The following SLBP variants were observed in gnomAD, a reference collection of about 807,000 sequenced individuals.
SLBP encodes the protein histone RNA hairpin-binding protein.
SLBP carries 29 observed loss-of-function variants against 39.2 expected under a neutral mutation model. The ratio of observed to expected loss-of-function variants is 0.74; its 90% confidence interval spans 0.55 to 1.01. The LOEUF (loss-of-function observed/expected upper bound fraction) is 1.01. Ranked by LOEUF, SLBP falls within the 50% of genes least tolerant of loss-of-function variation. The pLI is 0.00. For synonymous variants in SLBP, 129 were observed against 118.7 expected (o/e 1.09, Z -0.57); for missense variants, 390 against 350.2 (o/e 1.11, Z -0.91).
At chr4:1,710,633 T>C (rs1339220633) in intron 2 of SLBP, among the ~76,000 whole-genome samples, 1 of 152,110 alleles carries the variant, frequency 6.6e-6, no homozygotes, top group East Asian at 1.9e-4. Flanking sequence ...AAGGAGCAGG[T>C]AGGGGAATAG....
intron 3 of SLBP, among the ~76,000 whole-genome samples, chr4:1,701,238 C>T (rs1056040463): frequency 3.3e-5 from 5 of 150,598 alleles, no homozygotes; most frequent in Non-Finnish European, 7.4e-5. Context: ...CTCCGCCTCC[C>T]GGGTCCAAGC....
chr4:1,709,097 C>G (rs1209852272), intron 2 of SLBP, among the ~76,000 whole-genome samples: 5 of 150,408 alleles, frequency 3.3e-5, no homozygotes, highest in African/African-American at 4.9e-5. Flanking sequence ...CAGTTTCACT[C>G]TTATTGCCCA....
At chr4:1,712,039 T>TTACAACCTCCGCCC in intron 1 of SLBP, 49 bp from the exon 2 acceptor site, 1 of 1,244,708 alleles carries the variant, frequency 8.0e-7, no homozygotes, top group Admixed American at 4.2e-5. Flanking sequence ...CGGGACCGCC[T>TTACAACCTCCGCCC]TACAACCTCC....
chr4:1,712,014 T>A, intron 1 of SLBP, 24 bp from the exon 2 acceptor site: 1 of 1,275,582 alleles, frequency 7.8e-7, no homozygotes, highest in Non-Finnish European at 9.9e-7. Context: ...CGCGGTCGGC[T>A]GGGCACGGGA....
chr4:1,699,662 G>A lies in SLBP; in HGVS notation c.381C>T (p.Asp127=), dbSNP rs749473179. ...SKESMSTVPA[D]FETDESVLMR... is the part of the protein sequence containing the mutation. Reference sequence around the variant, plus strand: ...TTAGGACACTTTCATCTGTCTCAAAGTCAGCCGGCACAGTAGACATAGACT... The same window carrying A: ...TTAGGACACTTTCATCTGTCTCAAAATCAGCCGGCACAGTAGACATAGACT... Residue 127 remains aspartate, a synonymous_variant, in exon 5 of 8, where the codon GAC becomes GAT. Transcript: ENST00000489418. 23 of 1,613,696 alleles carry A rather than the reference G, an allele frequency of 1.4e-5. No homozygotes were observed. Among genetic ancestry groups the A allele is most frequent in the Non-Finnish European group, 1.9e-5 (22 of 1,179,734 alleles).
At chr4:1,700,109 A>G in intron 3 of SLBP, 39 bp from the exon 4 acceptor site, 3 of 1,470,458 alleles carry the variant, frequency 2.0e-6, no homozygotes, top group Admixed American at 1.8e-5. Flanking sequence ...TAAAAAAGAT[A>G]TAAAAATAAA....
intron 2 of SLBP, among the ~76,000 whole-genome samples, chr4:1,710,620 G>A (rs573117077): frequency 1.3e-5 from 2 of 152,284 alleles, no homozygotes; most frequent in East Asian, 3.9e-4. Flanking sequence ...TGTTCCAAGA[G>A]AAAAGGAGCA....
At chr4:1,699,747 A>C (rs779172510) in intron 4 of SLBP, 46 bp from the exon 5 acceptor site, 2 of 1,580,466 alleles carry the variant, frequency 1.3e-6, no homozygotes, top group Non-Finnish European at 1.7e-6. Context: ...AATTAAGATC[A>C]CCATGTATGT....
intron 2 of SLBP, among the ~76,000 whole-genome samples, chr4:1,709,224 C>T (rs1270339349): frequency 6.6e-6 from 1 of 152,038 alleles, no homozygotes; most frequent in Non-Finnish European, 1.5e-5. Flanking sequence ...CCACCATGCC[C>T]GACTAATTTT....
rs1229826348 is a variant in SLBP at position 1,692,996 on chromosome 4, C to G, written c.*601G>C. ...ATCGCTCCACTCTGCTGCCCTAACT[C>G]TTGGAGTATTCTAAAGAGTCTAACT... On this transcript the variant is annotated 3_prime_UTR_variant, in exon 8 of 8. Transcript: ENST00000489418. 6.5e-6 allele frequency: 1 copy of G among 152,756 alleles called. No individual in the cohort carries two copies. The highest frequency in any genetic ancestry group is 1.5e-5 in the Non-Finnish European group (1 of 68,138). 9.5% of individuals were successfully genotyped at this position (152,756 alleles called of 1,614,324 possible).
intron 5 of SLBP, 92 bp from the exon 6 acceptor site, chr4:1,696,443 A>G: frequency 8.9e-7 from 1 of 1,128,474 alleles, no homozygotes; most frequent in Non-Finnish European, 1.2e-6. Flanking sequence ...GATTAGTATT[A>G]TTTTAAATAT....
rs116137906 is a variant in SLBP, at chr4:1,693,265, C to G, written c.*332G>C. 795 of 218,714 alleles carry G rather than the reference C, an allele frequency of 3.6e-3. 3 individuals are homozygous for G. The highest frequency in any genetic ancestry group is 5.9e-3 in the Non-Finnish European group (635 of 108,136). The allele number at this position is 218,714 out of a possible 1,614,324, so 13.5% of individuals were successfully genotyped here. ...AATCCAAAACAGTCCACCTGACAAG[C>G]AATAACTGAAGATGCCTGTGGAAAA... On this transcript the variant is annotated 3_prime_UTR_variant, in exon 8 of 8. Transcript: ENST00000489418.
At chr4:1,694,929 A>G (rs1577176067) in intron 6 of SLBP, 89 bp from the exon 7 acceptor site, 2 of 856,742 alleles carry the variant, frequency 2.3e-6, no homozygotes, top group Non-Finnish European at 4.1e-6. Flanking sequence ...TCCATATGGT[A>G]CAGCCACAAC....
At chr4:1,709,726 C>T (rs1716662886) in intron 2 of SLBP, among the ~76,000 whole-genome samples, 1 of 152,134 alleles carries the variant, frequency 6.6e-6, no homozygotes, top group African/African-American at 2.4e-5. Flanking sequence ...ATTCTCCTGC[C>T]TCAGCCTCCT....
At chr4:1,697,459 C>G (rs1476177521) in intron 5 of SLBP, among the ~76,000 whole-genome samples, 3 of 151,630 alleles carry the variant, frequency 2.0e-5, no homozygotes, top group Non-Finnish European at 4.4e-5. Flanking sequence ...CAGAGGGAGA[C>G]TCCGTCTCAA....
At chr4:1,702,247 G>A (rs1716356116) in intron 3 of SLBP, among the ~76,000 whole-genome samples, 1 of 152,142 alleles carries the variant, frequency 6.6e-6, no homozygotes. Flanking sequence ...CTATATAAAT[G>A]CAATAATTCA....
chr4:1,697,140 C>G (rs1231100135), intron 5 of SLBP, among the ~76,000 whole-genome samples: 3 of 109,906 alleles, frequency 2.7e-5, no homozygotes, highest in Non-Finnish European at 5.1e-5. Context: ...GTCTGGTCAA[C>G]AGAGCAAGAC....
At position 1,693,652 on chromosome 4, in the gene SLBP, A is replaced by C. The variant is rs1238809599; in HGVS notation, c.758T>G (p.Phe253Cys). Residue 253 changes from phenylalanine to cysteine, a missense_variant, in exon 8 of 8, where the codon TTT becomes TGT. Physicochemically the swap from Phe to Cys is radical, Grantham distance 205. Transcript: ENST00000489418. ...TTCAGTTAAACAAGCTTCCAAATCA[A>C]ACTCATCCTCCACTTGACTGTCCAT... ...RHMDSQVEDE[F>C]DLEACLTEPL... 1 of 1,613,914 alleles carries C rather than the reference A, an allele frequency of 6.2e-7. No individual in the cohort carries two copies. The highest frequency in any genetic ancestry group is 2.2e-5 in the East Asian group (1 of 44,882).
rs375473112 is a variant in SLBP at position 1,699,994 on chromosome 4, A to G, written c.341+17T>C. On this transcript the variant is annotated intron_variant, in intron 4 of 7. Coordinates refer to ENST00000489418, the MANE Select transcript of SLBP (RefSeq NM_006527.4). The stretch of plus-strand genomic sequence containing the variant: ...AGGTCTATCAAATTAGAAAAGAAAC[A>G]TTTACACAGCCTTTACCTTCCTGAT... 25 of 1,549,908 alleles carry G rather than the reference A, an allele frequency of 1.6e-5. No homozygotes were observed. The highest frequency in any genetic ancestry group is 2.2e-5 in the Non-Finnish European group (25 of 1,143,732).
Sources: allele counts gnomAD v4.1 joint callset (sites outside exome capture counted in the v4.1 genomes callset), GRCh38; gene constraint gnomAD v4.1.1; transcripts MANE v1.5; gene names NCBI Gene and HGNC (gene_info 2026-07-23, HGNC 2026-07-21).